Variants in PARVG observed in about 807,000 individuals in gnomAD.
The protein encoded by PARVG is parvin gamma, also known as gamma-parvin.
Under a neutral mutation model 44.4 loss-of-function variants are expected in PARVG, and 36 were observed. That is an observed-to-expected ratio of 0.81 (90% CI 0.62 to 1.07). The LOEUF is 1.07. PARVG is among the 50% of genes least tolerant of loss of function. The pLI is 0.00. For missense variants in PARVG, 407 were observed against 407.4 expected, an observed-to-expected ratio of 1.00 and a Z score of 0.01; for synonymous variants, 170 against 174.1, an observed-to-expected ratio of 0.98 and a Z score of 0.19.
exon 1 of PARVG, chr22:44,173,074 T>C (rs755535822): frequency 8.8e-5 from 113 of 1,289,574 alleles, no homozygotes; most frequent in Non-Finnish European, 1.0e-4. Context: ...GACCTTCCAA[T>C]TGGACAGGAG....
At chr22:44,193,861 C>T (rs1569183666) in intron 9 of PARVG, 38 bp downstream of exon 9, 1 of 1,612,232 alleles carries the variant, frequency 6.2e-7, no homozygotes. Flanking sequence ...CTGTTCCTAT[C>T]TGATGCGTGT....
At chr22:44,187,114 T>C (rs555739384) in intron 4 of PARVG, 1 of 191,546 alleles carries the variant, frequency 5.2e-6, no homozygotes, top group African/African-American at 2.3e-5. Context: ...CTGTAACATG[T>C]GACCACAGAC....
intron 9 of PARVG, 183 bp from the exon 10 acceptor site, chr22:44,195,972 G>T: frequency 1.6e-6 from 1 of 632,698 alleles, no homozygotes; most frequent in Non-Finnish European, 2.7e-6. Flanking sequence ...GACTCCCCTG[G>T]GGCCACACGG....
chr22:44,186,552 A>G (rs1569179825), intron 4 of PARVG: 1 of 470,854 alleles, frequency 2.1e-6, no homozygotes, highest in Admixed American at 2.3e-5. Context: ...CACTCCATCC[A>G]TCCACCTTTC....
chr22:44,193,938 T>C, intron 9 of PARVG, 115 bp downstream of exon 9: 1 of 1,337,360 alleles, frequency 7.5e-7, no homozygotes, highest in Non-Finnish European at 1.1e-6. Flanking sequence ...TCACTTGCTG[T>C]TTGTATCTCA....
rs919658130 is a variant in PARVG at position 44,207,805 on chromosome 22, TCTC to T, written c.*1380_*1382del. 6.6e-5 allele frequency: 10 copies of T among 152,302 alleles called. No individual in the cohort carries two copies. The highest frequency in any genetic ancestry group is 2.4e-4 in the African/African-American group (10 of 41,402). The allele number at this position is 152,302 out of a possible 1,614,324, so 9.4% of individuals were successfully genotyped here. ...ACCTAGCCTCCCATCTGCCTGCCCTTCTCAGCTCCCAATTCACAGGGCAAACCC... is the reference window on the plus strand; with the variant it reads ...ACCTAGCCTCCCATCTGCCTGCCCTTAGCTCCCAATTCACAGGGCAAACCC... On this transcript the variant is annotated 3_prime_UTR_variant, in exon 14 of 14. Transcript: ENST00000444313.
intron 11 of PARVG, among the ~76,000 whole-genome samples, chr22:44,198,224 C>A (rs897145108): frequency 6.6e-6 from 1 of 152,178 alleles, no homozygotes; most frequent in South Asian, 2.1e-4. Context: ...AACATACAGA[C>A]AGAACAGACA....
rs774180951 is a variant in PARVG, at chr22:44,196,188, C to T, written c.617C>T (p.Pro206Leu). The T allele has an allele frequency of 2.3e-5, 37 of 1,614,040 alleles. No homozygotes were observed. Among genetic ancestry groups the T allele is most frequent in the African/African-American group, 9.3e-5 (7 of 74,924 alleles). Reference sequence around the variant, plus strand: ...TTTGATGAATTATTTAAGCTGGCTCCGGAGAAAGTGAACGCAGTGAAAGAG... The same window carrying T: ...TTTGATGAATTATTTAAGCTGGCTCTGGAGAAAGTGAACGCAGTGAAAGAG... ...DVFDELFKLA[P>L]EKVNAVKEAI... Residue 206 changes from proline to leucine, a missense_variant, in exon 10 of 14, where the codon CCG (proline) becomes CTG (leucine). Transcript: ENST00000444313.
chr22:44,177,230 A>C (rs943408438), upstream of PARVG, among the ~76,000 whole-genome samples: 2 of 152,202 alleles, frequency 1.3e-5, no homozygotes, highest in Non-Finnish European at 2.9e-5. Context: ...ACCTGGTGAT[A>C]TATATATTTT....
chr22:44,182,682 G>A lies in PARVG; in HGVS notation c.-12-636G>A, dbSNP rs553925022. ...GCCAGAAGGCGCCAGCCGAGCCAGC[G>A]AAGCCTTCACAGGAGAGGAAGTGGG... On this transcript the variant is annotated intron_variant, in intron 2 of 13. Coordinates refer to ENST00000444313, the MANE Select transcript of PARVG (RefSeq NM_022141.7). The surrounding 1 kb of genome is among the most constrained non-coding windows in gnomAD (Gnocchi z 4.6). Among the ~76,000 whole-genome samples, 21 of 152,294 alleles carry A rather than the reference G, an allele frequency of 1.4e-4. No homozygotes were observed. Among genetic ancestry groups the A allele is most frequent in the Non-Finnish European group, 2.4e-4 (16 of 68,022 alleles).
At chr22:44,186,352 T>C in intron 4 of PARVG, 1 of 344,210 alleles carries the variant, frequency 2.9e-6, no homozygotes, top group Non-Finnish European at 5.8e-6. Context: ...TCCTTGGTCA[T>C]GGGTCTGCTG....
chr22:44,186,830 G>A (rs944053820), intron 4 of PARVG: 11 of 376,438 alleles, frequency 2.9e-5, no homozygotes, highest in African/African-American at 6.3e-5. Context: ...CCTGGAGCCA[G>A]CATAGAGCAA....
chr22:44,197,950 A>C lies in PARVG; in HGVS notation c.712-671A>C, dbSNP rs149700456. ...GTTTCAGAGACTCATGGCATGTGCA[A>C]AGGTGGTATTTAGAGACTGTTCAAT... On this transcript the variant is annotated intron_variant, in intron 11 of 13. Coordinates refer to ENST00000444313, the MANE Select transcript of PARVG (RefSeq NM_022141.7). Among the ~76,000 whole-genome samples, 4 of 152,308 alleles carry C rather than the reference A, an allele frequency of 2.6e-5. No homozygotes were observed. In the East Asian group the frequency reaches 7.7e-4, roughly 29 times the overall value.
intron 12 of PARVG, among the ~76,000 whole-genome samples, chr22:44,203,747 C>G (rs2054741664): frequency 6.6e-6 from 1 of 152,254 alleles, no homozygotes; most frequent in Non-Finnish European, 1.5e-5. Flanking sequence ...ATGGGAACTT[C>G]CGGTGATGCT....
rs1195512524 is a variant in PARVG, at chr22:44,182,338, AG to A, written c.-13+423del. Among the ~76,000 whole-genome samples, 3 of 152,166 alleles carry A rather than the reference AG, an allele frequency of 2.0e-5. No homozygotes were observed. The highest frequency in any genetic ancestry group is 2.0e-4 in the Admixed American group (3 of 15,280). The stretch of plus-strand genomic sequence containing the variant: ...GTGAGGAGGAGCTGGCCTGGGACCC[AG>A]GCTTCCTGACGCCCAGGCCAGGCTC... On this transcript the variant is annotated intron_variant, in intron 2 of 13. Transcript: ENST00000444313. The surrounding 1 kb of genome is among the most constrained non-coding windows in gnomAD (Gnocchi z 4.6).
chr22:44,204,379 A>C (rs1447215565), intron 12 of PARVG, among the ~76,000 whole-genome samples: 1 of 152,218 alleles, frequency 6.6e-6, no homozygotes, highest in African/African-American at 2.4e-5. Context: ...GCAGCCTTGG[A>C]GAGGAAGGCA....
chr22:44,181,185 G>T lies in PARVG; in HGVS notation c.-189G>T. ...TGTGCCAAGCATTGTTCTAGACACG[G>T]GTATGTAACCGCGATTGAGAGAGAC... On this transcript the variant is annotated splice_region_variant and 5_prime_UTR_variant, in exon 1 of 14. Coordinates refer to ENST00000444313, the MANE Select transcript of PARVG (RefSeq NM_022141.7). 1 of 392,736 alleles carries T rather than the reference G, an allele frequency of 2.5e-6. No individual in the cohort carries two copies. The highest frequency in any genetic ancestry group is 3.5e-6 in the Non-Finnish European group (1 of 288,020). The allele number at this position is 392,736 out of a possible 1,614,324, so 24.3% of individuals were successfully genotyped here.
intron 12 of PARVG, among the ~76,000 whole-genome samples, chr22:44,203,138 C>T (rs961852487): frequency 6.6e-6 from 1 of 152,156 alleles, no homozygotes; most frequent in Non-Finnish European, 1.5e-5. Flanking sequence ...CAAACAGAAG[C>T]AGATGTCATA....
Position 44,198,742 on chromosome 22 carries a change from T to C in PARVG, c.813+20T>C. On this transcript the variant is annotated intron_variant, in intron 12 of 13. Coordinates refer to ENST00000444313, the MANE Select transcript of PARVG (RefSeq NM_022141.7). Reference sequence around the variant, plus strand: ...GAAATGGTAAGTTTTCCAAGGATTTTTCTTTATGGTCTACCTCTAGGTGAA... The same window carrying C: ...GAAATGGTAAGTTTTCCAAGGATTTCTCTTTATGGTCTACCTCTAGGTGAA... The C allele has an allele frequency of 6.4e-7, 1 of 1,556,004 alleles. No homozygotes were observed. The highest frequency in any genetic ancestry group is 8.9e-7 in the Non-Finnish European group (1 of 1,126,900).
Sources: gnomAD v4.1 joint callset for allele counts (sites outside exome capture counted in the v4.1 genomes callset) on GRCh38, gnomAD v4.1.1 for gene constraint, Gnocchi (gnomAD v3.1) non-coding constraint, MANE v1.5 for transcripts, NCBI Gene and HGNC (gene_info 2026-07-23, HGNC 2026-07-21) for gene names.